Variants in SPATS2 observed in about 807,000 individuals in gnomAD.
SPATS2 encodes spermatogenesis associated serine rich 2.
Under a neutral mutation model 63.7 loss-of-function variants are expected in SPATS2, and 38 were observed. The ratio of observed to expected loss-of-function variants is 0.60; its 90% CI spans 0.46 to 0.78. SPATS2 has a LOEUF of 0.78. Ranked by LOEUF, SPATS2 falls within the 30% of genes least tolerant of loss-of-function variation. The pLI, the probability that SPATS2 is intolerant of heterozygous loss-of-function variation, is 0.00. For synonymous variants in SPATS2, 207 were observed against 232.9 expected (o/e 0.89, Z 1.01); for missense variants, 588 against 666.2 (o/e 0.88, Z 1.29).
chr12:49,461,518 CAA>C (rs1212444720), intron 3 of SPATS2, among the ~76,000 whole-genome samples: 5 of 152,282 alleles, frequency 3.3e-5, no homozygotes, highest in Non-Finnish European at 7.4e-5. Context: ...GGAAGGACAA[CAA>C]AGACTTTGTA....
chr12:49,393,192 T>C (rs967310356), intron 2 of SPATS2, among the ~76,000 whole-genome samples: 1 of 151,630 alleles, frequency 6.6e-6, no homozygotes, highest in Non-Finnish European at 1.5e-5. Flanking sequence ...TTAACTCCCC[T>C]GTAGACTCAT....
At chr12:49,520,383 G>T (rs1280328985) in intron 11 of SPATS2, among the ~76,000 whole-genome samples, 2 of 152,156 alleles carry the variant, frequency 1.3e-5, no homozygotes, top group Admixed American at 6.5e-5. Context: ...CTCTCAAAGT[G>T]CTGGGATTAC....
intron 10 of SPATS2, among the ~76,000 whole-genome samples, chr12:49,516,953 G>A (rs933210687): frequency 4.6e-5 from 7 of 152,122 alleles, no homozygotes; most frequent in Admixed American, 3.3e-4. Flanking sequence ...ATTTACCAGT[G>A]CTATCAAGAG....
At chr12:49,414,940 CTTTT>C (rs1198243704) in intron 2 of SPATS2, among the ~76,000 whole-genome samples, 2 of 126,874 alleles carry the variant, frequency 1.6e-5, no homozygotes, top group African/African-American at 2.9e-5. Flanking sequence ...TTTTTCTTTT[CTTTT>C]TTTTTTTTTT....
At chr12:49,416,228 G>T (rs1024072628) in intron 2 of SPATS2, among the ~76,000 whole-genome samples, 3 of 151,968 alleles carry the variant, frequency 2.0e-5, no homozygotes, top group African/African-American at 4.8e-5. Context: ...TCATAGCTGG[G>T]GTTGGAATCA....
At chr12:49,410,861 G>GAA (rs1282236508) in intron 2 of SPATS2, among the ~76,000 whole-genome samples, 1 of 151,942 alleles carries the variant, frequency 6.6e-6, no homozygotes, top group East Asian at 1.9e-4. Context: ...TCATGGGAGG[G>GAA]TTAGGTGCTA....
At chr12:49,502,613 C>G (rs1946584236) in intron 9 of SPATS2, among the ~76,000 whole-genome samples, 1 of 152,122 alleles carries the variant, frequency 6.6e-6, no homozygotes, top group South Asian at 2.1e-4. Flanking sequence ...TGTGCCACCA[C>G]ACCTGGCTAA....
intron 6 of SPATS2, among the ~76,000 whole-genome samples, chr12:49,493,959 A>G (rs891115370): frequency 6.6e-5 from 10 of 152,136 alleles, no homozygotes; most frequent in African/African-American, 2.4e-4. Flanking sequence ...ACGTGCCACA[A>G]TTTATTTAAG....
chr12:49,423,255 C>G (rs945442973), intron 2 of SPATS2, among the ~76,000 whole-genome samples: 3 of 151,860 alleles, frequency 2.0e-5, no homozygotes, highest in African/African-American at 7.3e-5. Flanking sequence ...GCCTCAGCCT[C>G]CCGAGTAGCC....
chr12:49,435,472 CA>C (rs1945259986), intron 2 of SPATS2, among the ~76,000 whole-genome samples: 1 of 151,710 alleles, frequency 6.6e-6, no homozygotes, highest in Non-Finnish European at 1.5e-5. Context: ...ACTACATGCA[CA>C]CGCCAGTGCG....
chr12:49,437,798 C>G (rs927081349), intron 2 of SPATS2, among the ~76,000 whole-genome samples: 3 of 151,984 alleles, frequency 2.0e-5, no homozygotes, highest in African/African-American at 4.8e-5. Context: ...AGCTTTGGCT[C>G]GGCATCAGGG....
At chr12:49,392,347 T>A (rs1211272317) in intron 2 of SPATS2, among the ~76,000 whole-genome samples, 1 of 152,208 alleles carries the variant, frequency 6.6e-6, no homozygotes, top group African/African-American at 2.4e-5. Context: ...AATAATGCTT[T>A]AAGTTATATT....
chr12:49,511,176 G>A (rs1167858480), intron 9 of SPATS2, among the ~76,000 whole-genome samples: 5 of 150,106 alleles, frequency 3.3e-5, no homozygotes, highest in East Asian at 1.9e-4. Context: ...ACTCCAGAGC[G>A]AGACTCCATC....
chr12:49,446,499 C>T (rs934478167), intron 2 of SPATS2, among the ~76,000 whole-genome samples: 1 of 152,200 alleles, frequency 6.6e-6, no homozygotes, highest in African/African-American at 2.4e-5. Flanking sequence ...GGCTGTAGGA[C>T]TGAGGTTCCC....
Position 49,409,345 on chromosome 12 carries a change from A to G in SPATS2, c.-244+38055A>G, listed in dbSNP as rs139348990. On this transcript the variant is annotated intron_variant, in intron 2 of 13. Transcript: ENST00000552918. ...TTTTGAGACAGAGTCTCGCTCTGTC[A>G]CCCAGGCTGGAGTGCAGTGTCACGA... 3.0e-3 allele frequency among the ~76,000 whole-genome samples: 457 copies of G among 151,996 alleles called. 3 individuals are homozygous for G. The highest frequency in any genetic ancestry group is 4.5e-3 in the Non-Finnish European group (308 of 67,984).
chr12:49,506,511 A>G (rs7300276), intron 9 of SPATS2, among the ~76,000 whole-genome samples: 13,422 of 152,176 alleles, frequency 0.088, 694 homozygotes, highest in African/African-American at 0.13. Flanking sequence ...AACCACCCCT[A>G]TGATTCAGTT....
At chr12:49,411,800 C>T (rs1263106178) in intron 2 of SPATS2, among the ~76,000 whole-genome samples, 1 of 152,124 alleles carries the variant, frequency 6.6e-6, no homozygotes, top group Non-Finnish European at 1.5e-5. Flanking sequence ...GACCTCAGGC[C>T]TCCTTGCTAT....
intron 3 of SPATS2, 90 bp from the exon 4 acceptor site, chr12:49,484,500 T>A: frequency 8.0e-7 from 1 of 1,247,242 alleles, no homozygotes; most frequent in Non-Finnish European, 1.1e-6. Flanking sequence ...AATTGTTTTA[T>A]GGGACGAAAG....
Position 49,368,006 on chromosome 12 carries a change from G to A in SPATS2, c.-307+419G>A, listed in dbSNP as rs12311358. 4.7e-3 allele frequency among the ~76,000 whole-genome samples: 715 copies of A among 152,272 alleles called. 2 individuals are homozygous for A. The highest frequency in any genetic ancestry group is 0.017 in the African/African-American group (690 of 41,536). On this transcript the variant is annotated intron_variant, in intron 1 of 13. Coordinates refer to ENST00000552918, the MANE Select transcript of SPATS2 (RefSeq NM_023071.4). ...TGGCTGTGCGAGGTCCTTAGCATTC[G>A]GGGGCAATAATGAGATTTGAAAATA...
Sources: allele counts gnomAD v4.1 joint callset (sites outside exome capture counted in the v4.1 genomes callset), GRCh38; gene constraint gnomAD v4.1.1; transcripts MANE v1.5; gene names NCBI Gene and HGNC (gene_info 2026-07-23, HGNC 2026-07-21).